Variants in GRM5 observed in about 807,000 individuals in gnomAD.
GRM5 encodes glutamate metabotropic receptor 5, also known as metabotropic glutamate receptor 5.
Under a neutral mutation model 83.1 loss-of-function variants are expected in GRM5, and 19 were observed. The observed-to-expected ratio is 0.23, with a 90% CI of 0.16 to 0.34. The LOEUF is 0.34. Ranked by LOEUF, GRM5 falls within the 10% of genes least tolerant of loss-of-function variation. GRM5 has a pLI of 1.00. For missense variants in GRM5, 1,160 were observed against 1,588.3 expected, an observed-to-expected ratio of 0.73 and a Z score of 4.58; for synonymous variants, 675 against 633.6, an observed-to-expected ratio of 1.07 and a Z score of -0.98.
chr11:88,977,402 G>A (rs1484330163), intron 2 of GRM5, among the ~76,000 whole-genome samples: 1 of 151,810 alleles, frequency 6.6e-6, no homozygotes, highest in Non-Finnish European at 1.5e-5. Context: ...TAGTAGAGAC[G>A]GGGTTTCACA....
intron 3 of GRM5, among the ~76,000 whole-genome samples, chr11:88,778,896 C>G (rs993952439): frequency 6.6e-6 from 1 of 152,198 alleles, no homozygotes; most frequent in Non-Finnish European, 1.5e-5. Context: ...TTTTACATAA[C>G]ATTTTCACTG....
intron 2 of GRM5, among the ~76,000 whole-genome samples, chr11:88,937,783 G>C (rs566709456): frequency 2.6e-5 from 4 of 151,604 alleles, no homozygotes; most frequent in African/African-American, 7.3e-5. Flanking sequence ...AATTAGAAGA[G>C]GTGTTTGTTA....
intron 5 of GRM5, 127 bp downstream of exon 5, chr11:88,604,591 T>G (rs1454273534): frequency 2.6e-6 from 2 of 768,588 alleles, no homozygotes; most frequent in African/African-American, 3.5e-5. Flanking sequence ...TCATTTGGGA[T>G]GTCAGGGAAG....
At chr11:88,686,345 T>C (rs12795448) in intron 3 of GRM5, among the ~76,000 whole-genome samples, 19,314 of 152,210 alleles carry the variant, frequency 0.13, 1,617 homozygotes, top group Middle Eastern at 0.19. Context: ...TGTACCCAAA[T>C]TGGAACCAGG....
rs764143000 is a variant in GRM5, at chr11:88,509,393, C to T, written c.2838G>A (p.Thr946=). ...TCTTGGGGAAGGGCTTGATGACGGC[C>T]GTTTGGTTGGGGTTTTCTTTCTTGT... ...HINKKENPNQ[T]AVIKPFPKST... is the part of the protein sequence containing the mutation. The change falls in exon 10 of 10, where the codon ACG becomes ACA. Residue 946 remains threonine (T), a synonymous_variant. Transcript: ENST00000305447. 21 of 1,612,692 alleles carry T rather than the reference C, an allele frequency of 1.3e-5. No homozygotes were observed. The African/African-American group carries it at 2.5e-4, about 19-fold the overall frequency.
At chr11:88,563,239 AG>A (rs1242128944) in intron 8 of GRM5, among the ~76,000 whole-genome samples, 1 of 152,234 alleles carries the variant, frequency 6.6e-6, no homozygotes, top group Non-Finnish European at 1.5e-5. Context: ...AACAGACTAA[AG>A]TGCCTTATTC....
chr11:89,016,866 T>C (rs1469492608), intron 2 of GRM5, among the ~76,000 whole-genome samples: 1 of 152,166 alleles, frequency 6.6e-6, no homozygotes, highest in Non-Finnish European at 1.5e-5. Flanking sequence ...CAGTTTTTCA[T>C]TGCAAACTGG....
At chr11:88,751,161 A>G (rs1279570705) in intron 3 of GRM5, among the ~76,000 whole-genome samples, 1 of 151,856 alleles carries the variant, frequency 6.6e-6, no homozygotes, top group Non-Finnish European at 1.5e-5. Context: ...AGAAATGAAC[A>G]AATCCAGGAG....
chr11:88,998,478 A>C (rs1254720441), intron 2 of GRM5, among the ~76,000 whole-genome samples: 1 of 152,204 alleles, frequency 6.6e-6, no homozygotes, highest in Non-Finnish European at 1.5e-5. Flanking sequence ...AGTAAATGTT[A>C]TACTTCATGT....
At chr11:88,792,001 T>G (rs992819986) in intron 3 of GRM5, among the ~76,000 whole-genome samples, 10 of 152,236 alleles carry the variant, frequency 6.6e-5, no homozygotes, top group Admixed American at 4.6e-4. Flanking sequence ...ATGTAAAAGC[T>G]AGGTAGTAGA....
intron 2 of GRM5, among the ~76,000 whole-genome samples, chr11:88,989,770 A>G (rs982268463): frequency 6.7e-6 from 1 of 148,298 alleles, no homozygotes; most frequent in African/African-American, 2.5e-5. Flanking sequence ...TACTGGGTAC[A>G]TAACGAAATG....
chr11:88,881,700 GT>G (rs369717108), intron 2 of GRM5, among the ~76,000 whole-genome samples: 119 of 152,154 alleles, frequency 7.8e-4, no homozygotes, highest in Middle Eastern at 3.4e-3. Flanking sequence ...GTGGCCATTT[GT>G]TTTGCTCTTG....
In GRM5 at chr11:88,508,544, G is replaced by A. The variant is rs772359822; in HGVS notation, c.*48C>T. On this transcript the variant is annotated 3_prime_UTR_variant, in exon 10 of 10. Transcript: ENST00000305447. The surrounding 1 kb of genome is among the most constrained non-coding windows in gnomAD (Gnocchi z 4.2). Reference sequence around the variant, plus strand: ...CTTGCCATTGTGTGTGTGTGAACACGGGGGGCTCCGCTCCGCACGCGCAGG... The same window carrying A: ...CTTGCCATTGTGTGTGTGTGAACACAGGGGGCTCCGCTCCGCACGCGCAGG... 2.7e-6 allele frequency: 4 copies of A among 1,486,770 alleles called. No homozygotes were observed. The highest frequency in any genetic ancestry group is 4.8e-5 in the East Asian group (2 of 41,404). 92.1% of individuals were successfully genotyped at this position (1,486,770 alleles called of 1,614,324 possible).
rs1193337132 is a variant in GRM5 at position 88,885,463 on chromosome 11, T to G, written c.662-35308A>C. Among the ~76,000 whole-genome samples, 903 of 116,054 alleles carry G rather than the reference T, an allele frequency of 7.8e-3. 73 individuals are homozygous for G. Among genetic ancestry groups the G allele is most frequent in the African/African-American group, 0.026 (653 of 24,838 alleles). The allele number at this position is 116,054 out of a possible 152,430, so 76.1% of individuals were successfully genotyped here. The stretch of plus-strand genomic sequence containing the variant: ...AGTAGGTACCATGTTTTTTTTTTTT[T>G]TTTTTTTTTTTTTTTTTTTTTTTGG... On this transcript the variant is annotated intron_variant, in intron 2 of 9. Coordinates refer to ENST00000305447, the MANE Select transcript of GRM5 (RefSeq NM_001143831.3).
At chr11:89,018,472 A>C (rs1383747398) in intron 2 of GRM5, among the ~76,000 whole-genome samples, 1 of 152,220 alleles carries the variant, frequency 6.6e-6, no homozygotes, top group Non-Finnish European at 1.5e-5. Context: ...TAATTCATTA[A>C]AAAATGCATT....
chr11:88,610,125 G>T (rs1156923849), intron 4 of GRM5, among the ~76,000 whole-genome samples: 1 of 152,126 alleles, frequency 6.6e-6, no homozygotes. Context: ...ATGCTGTTTG[G>T]GTTGCTGTAG....
At chr11:88,811,534 A>T (rs1590875757) in intron 3 of GRM5, among the ~76,000 whole-genome samples, 1 of 152,260 alleles carries the variant, frequency 6.6e-6, no homozygotes, top group East Asian at 1.9e-4. Flanking sequence ...GAAGTAGAGA[A>T]GAACATTTGC....
At chr11:88,566,053 T>G (rs1942867835) in intron 8 of GRM5, among the ~76,000 whole-genome samples, 1 of 152,208 alleles carries the variant, frequency 6.6e-6, no homozygotes, top group Non-Finnish European at 1.5e-5. Context: ...ATATGTAGCT[T>G]CCATTTGAAA....
At chr11:88,779,235 G>T (rs1018092787) in intron 3 of GRM5, among the ~76,000 whole-genome samples, 3 of 152,206 alleles carry the variant, frequency 2.0e-5, no homozygotes, top group Non-Finnish European at 2.9e-5. Context: ...TGCTACAGCT[G>T]TCAATAGGAA....
Sources: gnomAD v4.1 joint callset for allele counts (sites outside exome capture counted in the v4.1 genomes callset) on GRCh38, gnomAD v4.1.1 for gene constraint, Gnocchi (gnomAD v3.1) non-coding constraint, MANE v1.5 for transcripts, NCBI Gene and HGNC (gene_info 2026-07-23, HGNC 2026-07-21) for gene names.